The following ADORA2B variants were observed in gnomAD, a reference collection of about 807,000 sequenced individuals.
ADORA2B encodes adenosine receptor A2b.
ADORA2B carries 18 observed loss-of-function variants against 20.8 expected under a neutral mutation model. That is an observed-to-expected ratio of 0.87 (90% CI 0.60 to 1.29). The LOEUF (loss-of-function observed/expected upper bound fraction) is 1.29. Among genes scored for constraint, ADORA2B ranks in the 50% most tolerant of loss-of-function variants. The pLI, the probability that ADORA2B is intolerant of heterozygous loss-of-function variation, is 0.00. For synonymous variants in ADORA2B, 179 were observed against 178.3 expected (o/e 1.00, Z -0.03); for missense variants, 441 against 422.7 (o/e 1.04, Z -0.38).
At chr17:15,901,451 C>T in the ADORA2B span, among the ~76,000 whole-genome samples, 20 of 149,316 alleles carry the variant, frequency 1.3e-4, no homozygotes, top group African/African-American at 5.0e-4. Flanking sequence ...GCAACAAGAG[C>T]GAAACTCCAT....
chr17:15,942,516 C>T (rs2151588814), upstream of ADORA2B, among the ~76,000 whole-genome samples: 1 of 152,266 alleles, frequency 6.6e-6, no homozygotes, highest in Middle Eastern at 3.4e-3. Flanking sequence ...GTAAGAATGG[C>T]CTAATACATT....
the ADORA2B span, among the ~76,000 whole-genome samples, chr17:15,933,112 C>T: frequency 6.6e-6 from 1 of 152,004 alleles, no homozygotes; most frequent in Non-Finnish European, 1.5e-5. Context: ...CCCGCTACCA[C>T]GCCCGACTAA....
chr17:15,945,833 G>A (rs1238080492), intron 1 of ADORA2B, among the ~76,000 whole-genome samples: 1 of 152,134 alleles, frequency 6.6e-6, no homozygotes, highest in African/African-American at 2.4e-5. Context: ...GGGGTCCGGG[G>A]AGTGCGGTCC....
At chr17:15,873,721 A>G in the ADORA2B span, among the ~76,000 whole-genome samples, 1,938 of 152,330 alleles carry the variant, frequency 0.013, 34 homozygotes, top group African/African-American at 0.045. Flanking sequence ...AAGAATGGCC[A>G]TTATTAAAAA....
chr17:15,888,831 TATATATATATATATATA>T, the ADORA2B span, among the ~76,000 whole-genome samples: 1 of 18,244 alleles, frequency 5.5e-5, no homozygotes, highest in Non-Finnish European at 1.1e-4. Context: ...TATATATATA[TATATATATATATATATA>T]TATTTTTTTT....
chr17:15,918,077 G>A, the ADORA2B span, among the ~76,000 whole-genome samples: 1 of 152,176 alleles, frequency 6.6e-6, no homozygotes, highest in Non-Finnish European at 1.5e-5. Context: ...GTCTGCGCTC[G>A]GGGTGGCAGC....
At chr17:15,914,429 C>T in the ADORA2B span, among the ~76,000 whole-genome samples, 3 of 152,128 alleles carry the variant, frequency 2.0e-5, no homozygotes, top group African/African-American at 7.2e-5. Context: ...AGCCTCAAAC[C>T]TCTGGCCCCA....
chr17:15,946,051 T>G (rs1050579431), intron 1 of ADORA2B, among the ~76,000 whole-genome samples: 1 of 151,294 alleles, frequency 6.6e-6, no homozygotes, highest in African/African-American at 2.4e-5. Flanking sequence ...GCCCGGGAGG[T>G]TCCCACTAAG....
chr17:15,888,442 C>T, the ADORA2B span, among the ~76,000 whole-genome samples: 1 of 127,922 alleles, frequency 7.8e-6, no homozygotes, highest in Non-Finnish European at 1.6e-5. Context: ...CCTGGGTAGG[C>T]AGTTCAAGCT....
intron 1 of ADORA2B, among the ~76,000 whole-genome samples, chr17:15,956,788 C>T (rs113325561): frequency 4.6e-5 from 7 of 151,848 alleles, no homozygotes; most frequent in African/African-American, 9.7e-5. Flanking sequence ...TTAGTAGAGA[C>T]GGGGTTTCAC....
At chr17:15,908,258 T>A in the ADORA2B span, among the ~76,000 whole-genome samples, 558 of 152,282 alleles carry the variant, frequency 3.7e-3, 3 homozygotes, top group South Asian at 8.9e-3. Context: ...TGAGTTTTCT[T>A]TTTAAAACTT....
chr17:15,877,919 ATTTC>A, the ADORA2B span, among the ~76,000 whole-genome samples: 40 of 151,880 alleles, frequency 2.6e-4, 1 homozygote, highest in African/African-American at 9.7e-4. Context: ...TATGTTAGTT[ATTTC>A]TTGTCCATCA....
Position 15,975,153 on chromosome 17 carries a change from G to A in ADORA2B, c.810G>A (p.Trp270Ter). The A allele has an allele frequency of 6.2e-7, 1 of 1,614,114 alleles. No homozygotes were observed. Among genetic ancestry groups the A allele is most frequent in the Non-Finnish European group, 8.5e-7 (1 of 1,180,022 alleles). The part of the protein sequence containing the change: ...QPAQGKNKPK[W>*]AMNMAILLSH... Reference sequence around the variant, plus strand: ...CTCAGGGTAAAAATAAGCCCAAGTGGGCAATGAATATGGCCATTCTTCTGT... The same window carrying A: ...CTCAGGGTAAAAATAAGCCCAAGTGAGCAATGAATATGGCCATTCTTCTGT... The change falls in exon 2 of 2, where the codon TGG becomes TGA. Residue 270 changes from tryptophan (W) to a stop codon, truncating the protein, a stop_gained. Transcript: ENST00000304222. LOFTEE classifies it high-confidence loss of function.
At chr17:15,871,295 A>T in the ADORA2B span, among the ~76,000 whole-genome samples, 191 of 152,354 alleles carry the variant, frequency 1.3e-3, 3 homozygotes, top group African/African-American at 4.0e-3. Context: ...ACACCAGAGA[A>T]GTAGCCCCAA....
chr17:15,898,453 CTTTTTTT>C, the ADORA2B span, among the ~76,000 whole-genome samples: 4,246 of 127,486 alleles, frequency 0.033, 214 homozygotes, highest in African/African-American at 0.11. Flanking sequence ...TAATCTCCCA[CTTTTTTT>C]TTTTTTTTTT....
chr17:15,874,117 T>TAC, the ADORA2B span, among the ~76,000 whole-genome samples: 405 of 147,106 alleles, frequency 2.8e-3, 2 homozygotes, highest in East Asian at 0.018. Flanking sequence ...CATATATACA[T>TAC]ACACACACAC....
chr17:15,898,084 C>G, the ADORA2B span, among the ~76,000 whole-genome samples: 2 of 152,014 alleles, frequency 1.3e-5, no homozygotes, highest in East Asian at 1.9e-4. Flanking sequence ...ATTTACAAGT[C>G]CAGGGAATTT....
intron 1 of ADORA2B, among the ~76,000 whole-genome samples, chr17:15,953,000 C>G (rs1969924392): frequency 6.6e-6 from 1 of 152,210 alleles, no homozygotes; most frequent in South Asian, 2.1e-4. Context: ...ACAGCCTGTC[C>G]CAGGCACGGG....
At chr17:15,861,656 A>G in the ADORA2B span, among the ~76,000 whole-genome samples, 2 of 152,200 alleles carry the variant, frequency 1.3e-5, no homozygotes, top group Admixed American at 6.5e-5. Flanking sequence ...AGGGATGTGA[A>G]GGAGGGCTTG....
Sources: allele counts gnomAD v4.1 joint callset (sites outside exome capture counted in the v4.1 genomes callset), GRCh38; gene constraint gnomAD v4.1.1; transcripts MANE v1.5; gene names NCBI Gene and HGNC (gene_info 2026-07-23, HGNC 2026-07-21).